Variants in VGLL3 observed in about 807,000 individuals in gnomAD.
The protein encoded by VGLL3 is transcription cofactor vestigial-like protein 3.
VGLL3 carries 18 observed loss-of-function variants against 29.2 expected under a neutral mutation model. That is an observed-to-expected ratio of 0.62 (90% CI 0.43 to 0.91). VGLL3 has a LOEUF of 0.91. Among genes scored for constraint, VGLL3 ranks in the 40% least tolerant of loss-of-function variants. VGLL3 has a pLI of 0.00. For synonymous variants in VGLL3, 180 were observed against 151.8 expected (o/e 1.19, Z -1.36); for missense variants, 440 against 413.2 (o/e 1.06, Z -0.56).
At chr3:86,978,368 G>A (rs541423917) in intron 2 of VGLL3, among the ~76,000 whole-genome samples, 158 bp downstream of exon 2, 4 of 152,148 alleles carry the variant, frequency 2.6e-5, no homozygotes, top group Admixed American at 1.3e-4. Flanking sequence ...TGACAAAACC[G>A]ATCCAGCTGT....
intron 3 of VGLL3, among the ~76,000 whole-genome samples, chr3:86,966,493 G>T (rs934118247): frequency 1.1e-4 from 16 of 151,756 alleles, no homozygotes; most frequent in Non-Finnish European, 2.4e-4. Flanking sequence ...TGCTGACAAA[G>T]GGCAGCATGC....
At chr3:86,983,971 C>T (rs1167868890) in intron 1 of VGLL3, among the ~76,000 whole-genome samples, 1 of 152,010 alleles carries the variant, frequency 6.6e-6, no homozygotes, top group African/African-American at 2.4e-5. Context: ...AAAGCATGTA[C>T]CCAGAAAATA....
intron 1 of VGLL3, among the ~76,000 whole-genome samples, chr3:86,989,489 C>T (rs1705533410): frequency 6.6e-6 from 1 of 152,182 alleles, no homozygotes; most frequent in Non-Finnish European, 1.5e-5. Flanking sequence ...TAAAGAGTAG[C>T]ACTGTAATTC....
intron 2 of VGLL3, among the ~76,000 whole-genome samples, chr3:86,977,336 G>A (rs1475937577): frequency 6.6e-6 from 1 of 152,096 alleles, no homozygotes; most frequent in African/African-American, 2.4e-5. Flanking sequence ...GCAATTCCAT[G>A]TGGCCAGGAC....
At chr3:86,967,011 G>C (rs1180543403) in intron 3 of VGLL3, among the ~76,000 whole-genome samples, 4 of 151,590 alleles carry the variant, frequency 2.6e-5, no homozygotes, top group Admixed American at 6.6e-5. Context: ...ATTTCAAGCT[G>C]AAATTCTGTA....
intron 1 of VGLL3, among the ~76,000 whole-genome samples, chr3:86,987,492 T>A (rs1482318110): frequency 6.6e-6 from 1 of 152,140 alleles, no homozygotes; most frequent in East Asian, 1.9e-4. Context: ...GACTGTTCTC[T>A]GTCTCATCTA....
Position 86,946,944 on chromosome 3 carries a change from G to A in VGLL3, c.*80C>T. On this transcript the variant is annotated 3_prime_UTR_variant, in exon 4 of 4. Coordinates refer to ENST00000398399, the MANE Select transcript of VGLL3 (RefSeq NM_016206.4). ...TCTATGCCTTTCGTGTCCTATTGCT[G>A]AATGGAAAAACCCGACAGTATCTTT... 2 of 765,714 alleles carry A rather than the reference G, an allele frequency of 2.6e-6. No homozygotes were observed. Among genetic ancestry groups the A allele is most frequent in the Non-Finnish European group, 4.9e-6 (2 of 410,542 alleles). The allele number at this position is 765,714 out of a possible 1,614,324, so 47.4% of individuals were successfully genotyped here. A position where few individuals can be genotyped will look rare whatever the true frequency, so the allele number is the denominator to read the frequency against.
chr3:86,962,102 C>A, intron 3 of VGLL3: 1 of 985,022 alleles, frequency 1.0e-6, no homozygotes, highest in Non-Finnish European at 1.2e-6. Context: ...AGTTTAAAGA[C>A]TGATAAAGGA....
intron 2 of VGLL3, among the ~76,000 whole-genome samples, chr3:86,970,922 T>G (rs558917408): frequency 6.6e-6 from 1 of 152,332 alleles, no homozygotes; most frequent in African/African-American, 2.4e-5. Flanking sequence ...TTGAACTCAT[T>G]AATTCAAATT....
At chr3:86,990,546 G>C in intron 1 of VGLL3, 72 bp downstream of exon 1, 12 of 1,305,218 alleles carry the variant, frequency 9.2e-6, no homozygotes, top group Non-Finnish European at 1.2e-5. Context: ...GCGGGACGTC[G>C]CCGAGCCCCA....
intron 3 of VGLL3, among the ~76,000 whole-genome samples, chr3:86,951,672 T>C (rs1704620757): frequency 6.6e-6 from 1 of 152,176 alleles, no homozygotes; most frequent in Admixed American, 6.5e-5. Flanking sequence ...ATGGTAGGTC[T>C]GAGCATGAAC....
At chr3:86,969,789 T>A (rs1484545196) in intron 2 of VGLL3, among the ~76,000 whole-genome samples, 2 of 152,140 alleles carry the variant, frequency 1.3e-5, no homozygotes, top group East Asian at 3.9e-4. Context: ...CAGTATCAAA[T>A]GCCCAACATT....
intron 1 of VGLL3, among the ~76,000 whole-genome samples, chr3:86,986,931 G>A (rs555454715): frequency 1.3e-5 from 2 of 151,896 alleles, no homozygotes; most frequent in Admixed American, 6.6e-5. Flanking sequence ...AAAGAATCTC[G>A]CACTCCAACG....
rs1334030009 is a variant in VGLL3, at chr3:86,940,345, C to T, written c.*6679G>A. ...AAAATACACCTTGGTCAACCAATAT[C>T]CTTAGAAGCATTGTATTATAAAATT... On this transcript the variant is annotated 3_prime_UTR_variant, in exon 4 of 4. Transcript: ENST00000398399. 1.3e-5 allele frequency: 2 copies of T among 152,538 alleles called. No individual in the cohort carries two copies. The highest frequency in any genetic ancestry group is 2.9e-5 in the Non-Finnish European group (2 of 68,000). 9.4% of individuals were successfully genotyped at this position (152,538 alleles called of 1,614,324 possible).
intron 3 of VGLL3, among the ~76,000 whole-genome samples, chr3:86,960,272 T>C (rs184128651): frequency 1.2e-4 from 19 of 152,288 alleles, no homozygotes; most frequent in Admixed American, 2.6e-4. Context: ...TTTTTAAATA[T>C]AGTTTACTGG....
At chr3:86,960,097 G>A (rs1442832572) in intron 3 of VGLL3, among the ~76,000 whole-genome samples, 1 of 151,998 alleles carries the variant, frequency 6.6e-6, no homozygotes, top group Non-Finnish European at 1.5e-5. Context: ...AAGCATCATT[G>A]TAGTGCCAAC....
At chr3:86,965,909 C>T (rs1704947428) in intron 3 of VGLL3, among the ~76,000 whole-genome samples, 1 of 152,104 alleles carries the variant, frequency 6.6e-6, no homozygotes, top group South Asian at 2.1e-4. Context: ...AGAACATTAC[C>T]CCATAAATTG....
In VGLL3 at chr3:86,946,991, A is replaced by C; in HGVS notation, c.*33T>G. The C allele has an allele frequency of 1.3e-6, 1 of 778,354 alleles. No homozygotes were observed. 48.2% of individuals were successfully genotyped at this position (778,354 alleles called of 1,614,324 possible). A position where few individuals can be genotyped will look rare whatever the true frequency, so the allele number is the denominator to read the frequency against. ...CTTTTCCCAGTGGGCCCTTGGATTT[A>C]TGCTGCAACTTAACTCACTAAGATT... On this transcript the variant is annotated 3_prime_UTR_variant, in exon 4 of 4. Transcript: ENST00000398399.
intron 1 of VGLL3, among the ~76,000 whole-genome samples, chr3:86,979,704 C>G (rs1354507792): frequency 6.6e-6 from 1 of 151,840 alleles, no homozygotes; most frequent in African/African-American, 2.4e-5. Context: ...AAGTTACTTG[C>G]CAAAAGTCAC....
Sources: allele counts gnomAD v4.1 joint callset (sites outside exome capture counted in the v4.1 genomes callset), GRCh38; gene constraint gnomAD v4.1.1; transcripts MANE v1.5; gene names NCBI Gene and HGNC (gene_info 2026-07-23, HGNC 2026-07-21).